APP: variants seen among roughly 807,000 people sequenced by gnomAD.
APP encodes the protein amyloid beta precursor protein, also known as amyloid-beta precursor protein.
A neutral mutation model predicts 101.4 loss-of-function variants in APP; 31 were observed. That is an observed-to-expected ratio of 0.31 (90% CI 0.23 to 0.41). APP has a LOEUF of 0.41. Ranked by LOEUF, APP falls within the 10% of genes least tolerant of loss-of-function variation. The probability of loss-of-function intolerance (pLI) is 1.00; values close to 1 mark genes in which losing one functional copy is unlikely to be tolerated. For synonymous variants in APP, 366 were observed against 364.4 expected (o/e 1.00, Z -0.05); for missense variants, 839 against 1,003.7 (o/e 0.84, Z 2.22).
chr21:26,047,723 AAG>A (rs1324639514), intron 5 of APP, among the ~76,000 whole-genome samples: 1 of 151,410 alleles, frequency 6.6e-6, no homozygotes, highest in Non-Finnish European at 1.5e-5. Context: ...TGGAAAAATA[AAG>A]AGTGATAAGA....
intron 6 of APP, among the ~76,000 whole-genome samples, chr21:26,013,416 T>C (rs2043907625): frequency 7.1e-6 from 1 of 140,810 alleles, no homozygotes; most frequent in Non-Finnish European, 1.5e-5. Context: ...TGAGGTTTGA[T>C]TTTTTTTTTT....
rs1425037561 is a variant in APP, at chr21:25,911,318, C to CA, written c.1909+422dup. 2.6e-5 allele frequency among the ~76,000 whole-genome samples: 4 copies of CA among 152,316 alleles called. No homozygotes were observed. In the South Asian group the frequency reaches 8.3e-4, roughly 32 times the overall value. On this transcript the variant is annotated intron_variant, in intron 14 of 17. Coordinates refer to ENST00000346798, the MANE Select transcript of APP (RefSeq NM_000484.4). ...TTTTCCTTGTGAAGAACTGCCTCTTCAATAATACACTGTGGCTCCCCTTCG... is the reference window on the plus strand; with the variant it reads ...TTTTCCTTGTGAAGAACTGCCTCTTCAAATAATACACTGTGGCTCCCCTTCG...
At chr21:26,094,852 T>A (rs919477149) in intron 2 of APP, among the ~76,000 whole-genome samples, 16 of 151,914 alleles carry the variant, frequency 1.1e-4, no homozygotes, top group African/African-American at 1.9e-4. Flanking sequence ...TTAATTAATT[T>A]ATTTTTTTTT....
At chr21:26,035,554 G>A (rs544487755) in intron 5 of APP, among the ~76,000 whole-genome samples, 8 of 152,292 alleles carry the variant, frequency 5.3e-5, no homozygotes, top group Admixed American at 2.6e-4. Flanking sequence ...GTTGTTACCC[G>A]TTATCAATTA....
chr21:25,927,002 C>CAAAAAAAAAAA (rs36048306), intron 13 of APP, among the ~76,000 whole-genome samples: 1 of 67,268 alleles, frequency 1.5e-5, no homozygotes, highest in African/African-American at 6.3e-5. Flanking sequence ...GACTCCGTCT[C>CAAAAAAAAAAA]AAAAAAAAAA....
intron 5 of APP, among the ~76,000 whole-genome samples, chr21:26,026,797 A>G (rs2044596722): frequency 6.6e-6 from 1 of 152,198 alleles, no homozygotes; most frequent in African/African-American, 2.4e-5. Context: ...CAGTTTTCCA[A>G]ACTCACAGAA....
chr21:26,036,593 C>T (rs2045121349), intron 5 of APP, among the ~76,000 whole-genome samples: 1 of 152,078 alleles, frequency 6.6e-6, no homozygotes, highest in Non-Finnish European at 1.5e-5. Context: ...AGAGCAAAAG[C>T]GTCATGCACT....
At chr21:25,977,712 T>C (rs934438235) in intron 9 of APP, among the ~76,000 whole-genome samples, 2 of 152,184 alleles carry the variant, frequency 1.3e-5, no homozygotes, top group African/African-American at 4.8e-5. Flanking sequence ...ATATCAAAAA[T>C]AATCTCAAGG....
chr21:25,971,467 A>T (rs1367120786), intron 11 of APP, among the ~76,000 whole-genome samples: 1 of 152,242 alleles, frequency 6.6e-6, no homozygotes, highest in African/African-American at 2.4e-5. Flanking sequence ...TCATGGTTTC[A>T]GGTGGGGAAA....
At chr21:26,028,608 G>A (rs2044685509) in intron 5 of APP, among the ~76,000 whole-genome samples, 1 of 152,148 alleles carries the variant, frequency 6.6e-6, no homozygotes, top group Non-Finnish European at 1.5e-5. Context: ...TATTTGAGTT[G>A]AAAGGCATAT....
At chr21:26,031,385 GA>G (rs1255233283) in intron 5 of APP, among the ~76,000 whole-genome samples, 3 of 152,192 alleles carry the variant, frequency 2.0e-5, no homozygotes, top group East Asian at 3.9e-4. Context: ...TCTTTTTTGG[GA>G]AAAAATAATT....
chr21:26,045,071 C>T (rs1489876187), intron 5 of APP, among the ~76,000 whole-genome samples: 3 of 152,096 alleles, frequency 2.0e-5, no homozygotes, highest in Admixed American at 6.5e-5. Context: ...AGGCAGGAAT[C>T]TCTCTAAGGT....
intron 17 of APP, among the ~76,000 whole-genome samples, chr21:25,890,036 C>CCTAT (rs2037588176): frequency 6.6e-6 from 1 of 152,080 alleles, no homozygotes; most frequent in South Asian, 2.1e-4. Context: ...CTAATGAAAA[C>CCTAT]CTATCTTACA....
chr21:26,129,019 A>T (rs1469647996), intron 1 of APP, among the ~76,000 whole-genome samples: 2 of 152,246 alleles, frequency 1.3e-5, no homozygotes, highest in Non-Finnish European at 2.9e-5. Flanking sequence ...TCTAGGCAAA[A>T]TAATTACATG....
chr21:26,136,164 G>GAAAAGAAAAGAAAAGAAAAGAAAAGA (rs756453136), intron 1 of APP, among the ~76,000 whole-genome samples: 1 of 81,008 alleles, frequency 1.2e-5, no homozygotes, highest in African/African-American at 5.1e-5. Flanking sequence ...GAAAAGAAAA[G>GAAAAGAAAAGAAAAGAAAAGAAAAGA]AAAGAAAAGA....
In APP at chr21:25,881,337, A is replaced by G. The variant is rs532876832; in HGVS notation, c.*333T>C. The G allele has an allele frequency of 4.3e-5, 16 of 374,860 alleles. No homozygotes were observed. The highest frequency in any genetic ancestry group is 7.0e-5 in the Non-Finnish European group (14 of 198,654). 23.2% of individuals were successfully genotyped at this position (374,860 alleles called of 1,614,324 possible). ...TAATTGGGTCACAAACCACAAGAAT[A>G]ATATACAACTGGCTAAGGGGCTATG... On this transcript the variant is annotated 3_prime_UTR_variant, in exon 18 of 18. Transcript: ENST00000346798.
At chr21:25,959,996 C>CTACT (rs1322582633) in intron 11 of APP, among the ~76,000 whole-genome samples, 1 of 152,130 alleles carries the variant, frequency 6.6e-6, no homozygotes, top group Non-Finnish European at 1.5e-5. Context: ...GAGGGTTGGG[C>CTACT]TACTATACCT....
chr21:25,888,130 G>A (rs2037460578), intron 17 of APP, among the ~76,000 whole-genome samples: 1 of 152,082 alleles, frequency 6.6e-6, no homozygotes, highest in Middle Eastern at 3.2e-3. Context: ...GAGTCCAACT[G>A]GAAATATTGA....
At chr21:26,041,960 A>T (rs141611553) in intron 5 of APP, among the ~76,000 whole-genome samples, 176 of 152,128 alleles carry the variant, frequency 1.2e-3, no homozygotes, top group South Asian at 3.1e-3. Flanking sequence ...ACAGTCAGAA[A>T]GCCTCACACA....
Sources: gnomAD v4.1 joint callset for allele counts (sites outside exome capture counted in the v4.1 genomes callset) on GRCh38, gnomAD v4.1.1 for gene constraint, MANE v1.5 for transcripts, NCBI Gene and HGNC (gene_info 2026-07-23, HGNC 2026-07-21) for gene names.